The following ARHGAP25 variants were observed in gnomAD, a reference collection of about 807,000 sequenced individuals.
The protein encoded by ARHGAP25 is Rho GTPase activating protein 25, also known as rho GTPase-activating protein 25.
Under a neutral mutation model 71.0 loss-of-function variants are expected in ARHGAP25, and 34 were observed. That is an observed-to-expected ratio of 0.48 (90% CI 0.36 to 0.64). ARHGAP25 has a LOEUF of 0.64. Among genes scored for constraint, ARHGAP25 ranks in the 30% least tolerant of loss-of-function variants. The pLI is 0.00. For missense variants in ARHGAP25, 706 were observed against 805.1 expected, an observed-to-expected ratio of 0.88 and a Z score of 1.49; for synonymous variants, 282 against 296.5, an observed-to-expected ratio of 0.95 and a Z score of 0.50.
At chr2:68,803,596 G>A (rs747423158) in intron 4 of ARHGAP25, among the ~76,000 whole-genome samples, 3 of 152,108 alleles carry the variant, frequency 2.0e-5, no homozygotes, top group East Asian at 1.9e-4. Flanking sequence ...TTAGACCCAC[G>A]TGGGATCTTT....
chr2:68,793,552 T>G (rs893203448), intron 4 of ARHGAP25, among the ~76,000 whole-genome samples: 8 of 152,216 alleles, frequency 5.3e-5, no homozygotes, highest in Non-Finnish European at 1.2e-4. Flanking sequence ...CAGGGTATGT[T>G]CTTATAGACT....
At chr2:68,818,418 C>T (rs1681387373) in intron 8 of ARHGAP25, among the ~76,000 whole-genome samples, 1 of 152,210 alleles carries the variant, frequency 6.6e-6, no homozygotes, top group African/African-American at 2.4e-5. Context: ...ATCTCTGCCT[C>T]CAGGGTTCAA....
chr2:68,801,395 A>G (rs1457639405), intron 4 of ARHGAP25, among the ~76,000 whole-genome samples: 1 of 152,210 alleles, frequency 6.6e-6, no homozygotes, highest in East Asian at 1.9e-4. Flanking sequence ...GATGAGACAC[A>G]CGGAGAACCA....
At chr2:68,756,608 T>C (rs1472832639) in intron 1 of ARHGAP25, among the ~76,000 whole-genome samples, 1 of 152,200 alleles carries the variant, frequency 6.6e-6, no homozygotes, top group African/African-American at 2.4e-5. Context: ...AAGAAGACTC[T>C]TAAGTGTGCA....
intron 8 of ARHGAP25, among the ~76,000 whole-genome samples, chr2:68,818,423 G>T (rs558633732): frequency 1.3e-3 from 199 of 152,314 alleles, no homozygotes; most frequent in South Asian, 6.6e-3. Flanking sequence ...TGCCTCCAGG[G>T]TTCAAGTGAT....
At chr2:68,770,166 G>C (rs533844557) in intron 1 of ARHGAP25, among the ~76,000 whole-genome samples, 1 of 152,288 alleles carries the variant, frequency 6.6e-6, no homozygotes, top group Admixed American at 6.5e-5. Flanking sequence ...GTGTTAGCCA[G>C]AGGAATGGTA....
chr2:68,816,151 C>A, intron 6 of ARHGAP25, 138 bp from the exon 7 acceptor site: 1 of 757,826 alleles, frequency 1.3e-6, no homozygotes, highest in South Asian at 1.5e-5. Context: ...TTTAAACCCA[C>A]AGAACTACAG....
In ARHGAP25 at chr2:68,826,242, G is replaced by T. The variant is rs753525722; in HGVS notation, c.*48G>T. The T allele has an allele frequency of 1.5e-5, 24 of 1,564,682 alleles. No individual in the cohort carries two copies. In the South Asian group the frequency reaches 2.7e-4, roughly 17 times the overall value. On this transcript the variant is annotated 3_prime_UTR_variant, in exon 11 of 11. Transcript: ENST00000409202. The stretch of plus-strand genomic sequence containing the variant: ...ACAGCCCCAGAGAGGCCCAACTCTG[G>T]CCCCTTTCTCAGTGCTATCTGATGA...
At chr2:68,730,495 A>T (rs1442366812), upstream of ARHGAP25, among the ~76,000 whole-genome samples, 1 of 151,948 alleles carries the variant, frequency 6.6e-6, no homozygotes, top group Admixed American at 6.6e-5. Context: ...ACGAGTTTTT[A>T]AAAAATTAGC....
intron 4 of ARHGAP25, among the ~76,000 whole-genome samples, chr2:68,793,908 A>G (rs898252561): frequency 1.8e-4 from 28 of 152,116 alleles, no homozygotes; most frequent in African/African-American, 6.3e-4. Context: ...ATGCATGAGC[A>G]TGGGATTTTT....
intron 1 of ARHGAP25, among the ~76,000 whole-genome samples, chr2:68,740,228 T>C (rs978832613): frequency 6.6e-6 from 1 of 152,172 alleles, no homozygotes; most frequent in Admixed American, 6.5e-5. Context: ...ATCACTGCCA[T>C]TCACCTTCTT....
chr2:68,761,669 C>G (rs1026927527), intron 1 of ARHGAP25, among the ~76,000 whole-genome samples: 1 of 152,010 alleles, frequency 6.6e-6, no homozygotes, highest in Non-Finnish European at 1.5e-5. Context: ...AAATGCAACA[C>G]GAACTACAGC....
intron 1 of ARHGAP25, among the ~76,000 whole-genome samples, chr2:68,774,553 G>A (rs953406674): frequency 6.6e-6 from 1 of 152,218 alleles, no homozygotes; most frequent in Non-Finnish European, 1.5e-5. Flanking sequence ...AGCATAAAGG[G>A]CTGGGATACT....
At chr2:68,782,508 G>A (rs552095881) in intron 3 of ARHGAP25, among the ~76,000 whole-genome samples, 188 bp downstream of exon 3, 18 of 152,292 alleles carry the variant, frequency 1.2e-4, no homozygotes, top group Non-Finnish European at 2.9e-5. Context: ...AGTATCAAGT[G>A]CTTGAATAAT....
Position 68,815,506 on chromosome 2 carries a change from A to G in ARHGAP25, c.808-783A>G, listed in dbSNP as rs554345468. On this transcript the variant is annotated intron_variant, in intron 6 of 10. Transcript: ENST00000409202. ...GGCTCTTTCGCCCAGGCTGGAGTGCAGTGGCGCGATCTCAGCTCACTGCAA... is the reference window on the plus strand; with the variant it reads ...GGCTCTTTCGCCCAGGCTGGAGTGCGGTGGCGCGATCTCAGCTCACTGCAA... 5.5e-4 allele frequency among the ~76,000 whole-genome samples: 68 copies of G among 123,822 alleles called. 1 individual carries two copies. The South Asian group carries it at 0.011, about 19-fold the overall frequency. 81.2% of individuals were successfully genotyped at this position (123,822 alleles called of 152,430 possible).
rs1175598105 is a variant in ARHGAP25 at position 68,767,538 on chromosome 2, C to G, written c.62-7683C>G. The stretch of plus-strand genomic sequence containing the variant: ...AGGTCTGCTGTTTCAGAGAGCTCCC[C>G]AGTCGGCTCCTTCCTCAGCTGTGGT... On this transcript the variant is annotated intron_variant, in intron 1 of 10. Coordinates refer to ENST00000409202, the MANE Select transcript of ARHGAP25 (RefSeq NM_001007231.3). The surrounding 1 kb of genome is among the most constrained non-coding windows in gnomAD (Gnocchi z 4.6). Among the ~76,000 whole-genome samples the G allele has an allele frequency of 2.0e-5, 3 of 152,092 alleles. No homozygotes were observed. Among genetic ancestry groups the G allele is most frequent in the South Asian group, 2.1e-4 (1 of 4,828 alleles).
intron 3 of ARHGAP25, among the ~76,000 whole-genome samples, chr2:68,784,314 T>C (rs1678587304): frequency 6.6e-6 from 1 of 152,178 alleles, no homozygotes. Context: ...TAAAGTGAGA[T>C]ATCCTTCATG....
intron 1 of ARHGAP25, among the ~76,000 whole-genome samples, chr2:68,759,783 A>G (rs1406837112): frequency 6.6e-6 from 1 of 152,038 alleles, no homozygotes; most frequent in Non-Finnish European, 1.5e-5. Context: ...CTAAAGAAGA[A>G]CTAATACCAG....
chr2:68,726,948 C>T (rs1443694175), intron 2 of ARHGAP25, among the ~76,000 whole-genome samples: 2 of 151,828 alleles, frequency 1.3e-5, no homozygotes, highest in Non-Finnish European at 2.9e-5. Flanking sequence ...TTCCATATAC[C>T]CAAGGGAATG....
Sources: gnomAD v4.1 joint callset for allele counts (sites outside exome capture counted in the v4.1 genomes callset) on GRCh38, gnomAD v4.1.1 for gene constraint, Gnocchi (gnomAD v3.1) non-coding constraint, MANE v1.5 for transcripts, NCBI Gene and HGNC (gene_info 2026-07-23, HGNC 2026-07-21) for gene names.